NFATC1: variants seen among roughly 807,000 people sequenced by gnomAD.
NFATC1 encodes nuclear factor of activated T cells 1, also known as nuclear factor of activated T-cells, cytoplasmic 1.
NFATC1 carries 22 observed loss-of-function variants against 76.0 expected under a neutral mutation model. That is an observed-to-expected ratio of 0.29 (90% CI 0.21 to 0.41). The LOEUF is 0.41. Among genes scored for constraint, NFATC1 ranks in the 10% least tolerant of loss-of-function variants. NFATC1 has a pLI of 1.00. For missense variants in NFATC1, 1,357 were observed against 1,337.7 expected, an observed-to-expected ratio of 1.01 and a Z score of -0.23; for synonymous variants, 704 against 613.1, an observed-to-expected ratio of 1.15 and a Z score of -2.19.
At chr18:79,464,706 A>ATAT (rs1568994824) in intron 7 of NFATC1, among the ~76,000 whole-genome samples, 1 of 81,714 alleles carries the variant, frequency 1.2e-5, no homozygotes, top group African/African-American at 5.8e-5. Flanking sequence ...TTATTTATTT[A>ATAT]TTTATTTTTT....
intron 8 of NFATC1, among the ~76,000 whole-genome samples, chr18:79,481,747 G>C (rs2089278519): frequency 1.3e-5 from 2 of 152,382 alleles, no homozygotes; most frequent in Middle Eastern, 3.4e-3. Flanking sequence ...TGTGACGACT[G>C]AATGTGACGT....
intron 9 of NFATC1, among the ~76,000 whole-genome samples, chr18:79,513,025 G>A (rs919025248): frequency 1.3e-5 from 2 of 152,240 alleles, no homozygotes; most frequent in Admixed American, 1.3e-4. Flanking sequence ...CGCTAGAGAC[G>A]CAGGGAGTTG....
intron 2 of NFATC1, among the ~76,000 whole-genome samples, chr18:79,431,945 C>T (rs2086604111): frequency 6.6e-6 from 1 of 152,236 alleles, no homozygotes. Context: ...TTGTGATCCA[C>T]CCGCCTCGGC....
At chr18:79,425,563 G>A (rs1413617671) in intron 2 of NFATC1, among the ~76,000 whole-genome samples, 4 of 152,238 alleles carry the variant, frequency 2.6e-5, no homozygotes, top group Non-Finnish European at 5.9e-5. Context: ...CGGAAAATCA[G>A]AATTAAAGGA....
chr18:79,430,167 G>A (rs180862996), intron 2 of NFATC1, among the ~76,000 whole-genome samples: 1 of 152,346 alleles, frequency 6.6e-6, no homozygotes, highest in East Asian at 1.9e-4. Context: ...ACGTGGCTGC[G>A]TTTACACAAA....
At chr18:79,456,424 G>C (rs2087728592) in intron 6 of NFATC1, among the ~76,000 whole-genome samples, 1 of 152,224 alleles carries the variant, frequency 6.6e-6, no homozygotes, top group African/African-American at 2.4e-5. Flanking sequence ...CAAGGCCAGG[G>C]GGAGGTTCAC....
Position 79,486,631 on chromosome 18 carries a change from G to T in NFATC1, c.2476G>T (p.Val826Leu), listed in dbSNP as rs745784626. The change falls in exon 9 of 10, where the codon GTG (valine) becomes TTG (leucine). Residue 826 changes from valine (V) to leucine (L), a missense_variant. Around this residue, in one of 3 missense-constraint regions of NFATC1, gnomAD observed 424 missense variants for 395.4 expected, o/e 1.07. Coordinates refer to ENST00000427363, the MANE Select transcript of NFATC1 (RefSeq NM_001278669.2). Reference sequence around the variant, plus strand: ...ACCCCCGGCCCTGCTGCCACAGCAGGTGAGTGCGCCTCCAAGCAGTAGCTG... The same window carrying T: ...ACCCCCGGCCCTGCTGCCACAGCAGTTGAGTGCGCCTCCAAGCAGTAGCTG... ...QPPPALLPQQVSAPPSSSCPP... is the reference protein window; with the variant it reads ...QPPPALLPQQLSAPPSSSCPP... 1.2e-6 allele frequency: 2 copies of T among 1,601,822 alleles called. No homozygotes were observed. The highest frequency in any genetic ancestry group is 8.5e-7 in the Non-Finnish European group (1 of 1,177,500).
At chr18:79,475,275 C>T (rs667975) in intron 8 of NFATC1, among the ~76,000 whole-genome samples, 21 of 148,954 alleles carry the variant, frequency 1.4e-4, no homozygotes, top group East Asian at 2.0e-4. Context: ...CTGAGGGAAG[C>T]GTGTTCTCAC....
At chr18:79,468,767 G>C (rs1353494403) in intron 8 of NFATC1, 1 of 152,316 alleles carries the variant, frequency 6.6e-6, no homozygotes, top group Non-Finnish European at 1.5e-5. Flanking sequence ...CTGTAAAGTC[G>C]CTGTACCCTA....
intron 9 of NFATC1, among the ~76,000 whole-genome samples, chr18:79,515,500 C>T (rs2090358697): frequency 6.6e-6 from 1 of 152,010 alleles, no homozygotes; most frequent in South Asian, 2.1e-4. Context: ...GCTCGGCTCA[C>T]ACCCCTGCAG....
rs1006687259 is a variant in NFATC1, at chr18:79,402,458, G to A, written c.127+6107G>A. ...CTCCTTGAGCAGAATGAGTGAAGCC[G>A]TGAACCTCACCCTCGCAGGCACCCT... On this transcript the variant is annotated intron_variant, in intron 1 of 9. Coordinates refer to ENST00000427363, the MANE Select transcript of NFATC1 (RefSeq NM_001278669.2). 2.9e-5 allele frequency: 27 copies of A among 940,044 alleles called. No homozygotes were observed. In the East Asian group the frequency reaches 1.3e-3, roughly 45 times the overall value. The allele number at this position is 940,044 out of a possible 1,614,324, so 58.2% of individuals were successfully genotyped here.
intron 8 of NFATC1, among the ~76,000 whole-genome samples, chr18:79,471,521 C>T (rs1292767574): frequency 6.6e-6 from 1 of 152,194 alleles, no homozygotes; most frequent in Admixed American, 6.5e-5. Flanking sequence ...TAGTCGGTTA[C>T]CTGGAAACGC....
At chr18:79,400,001 C>T (rs936370423) in intron 1 of NFATC1, among the ~76,000 whole-genome samples, 1 of 152,074 alleles carries the variant, frequency 6.6e-6, no homozygotes, top group African/African-American at 2.4e-5. Flanking sequence ...AATTCCGTCG[C>T]CCTGGGCGCA....
At position 79,486,832 on chromosome 18, in the gene NFATC1, C is replaced by A; in HGVS notation, c.2677C>A (p.Arg893=). The change falls in exon 9 of 10, where the codon CGG becomes AGG. Residue 893 remains arginine (R), a synonymous_variant. Coordinates refer to ENST00000427363, the MANE Select transcript of NFATC1 (RefSeq NM_001278669.2). ...RRDESPTAGP[R]LLPEVHEDGS... is the part of the protein sequence containing the mutation. ...GGACGAGTCTCCGACTGCCGGGCCA[C>A]GGCTGCTGCCAGAGGTGCATGAGGA... 1 of 1,611,860 alleles carries A rather than the reference C, an allele frequency of 6.2e-7. No individual in the cohort carries two copies. Among genetic ancestry groups the A allele is most frequent in the Non-Finnish European group, 8.5e-7 (1 of 1,179,520 alleles).
intron 4 of NFATC1, among the ~76,000 whole-genome samples, chr18:79,450,100 T>C (rs1159484809): frequency 1.3e-5 from 2 of 152,074 alleles, no homozygotes; most frequent in Admixed American, 1.3e-4. Context: ...CCCACCATGA[T>C]GTGGGGCAGA....
At chr18:79,435,352 G>GTTT (rs768119556) in intron 3 of NFATC1, among the ~76,000 whole-genome samples, 3 of 111,398 alleles carry the variant, frequency 2.7e-5, no homozygotes, top group Admixed American at 1.8e-4. Context: ...TGGTTTGTTT[G>GTTT]TTTTTTTTTT....
chr18:79,450,991 G>A lies in NFATC1; in HGVS notation c.1627G>A (p.Asp543Asn). 7 of 1,613,836 alleles carry A rather than the reference G, an allele frequency of 4.3e-6. No homozygotes were observed. Among genetic ancestry groups the A allele is most frequent in the South Asian group, 1.1e-5 (1 of 91,074 alleles). Residue 543 changes from aspartate (D) to asparagine (N), a missense_variant, in exon 5 of 10, where the codon GAC (aspartate) becomes AAC (asparagine). By Grantham distance (23) the Asp-to-Asn change is conservative (BLOSUM62 1). Around this residue, in one of 3 missense-constraint regions of NFATC1, gnomAD observed 242 missense variants for 329.2 expected, o/e 0.74. Transcript: ENST00000427363. ...CAGILKLRNS[D>N]IELRKGETDI... is the part of the protein sequence containing the mutation. Reference sequence around the variant, plus strand: ...CGGAATCCTGAAACTCAGAAACTCCGACATTGAACTTCGGAAAGGAGAGAC... The same window carrying A: ...CGGAATCCTGAAACTCAGAAACTCCAACATTGAACTTCGGAAAGGAGAGAC...
intron 8 of NFATC1, among the ~76,000 whole-genome samples, chr18:79,475,577 T>C (rs937729782): frequency 4.7e-5 from 7 of 148,916 alleles, no homozygotes; most frequent in Admixed American, 4.7e-4. Context: ...ACTGTCGACG[T>C]TGCGAGGGAA....
chr18:79,494,264 C>T, intron 9 of NFATC1, among the ~76,000 whole-genome samples: 1 of 148,422 alleles, frequency 6.7e-6, no homozygotes, highest in African/African-American at 2.5e-5. Flanking sequence ...CACACGCCCC[C>T]CATGAACCTG....
Sources: gnomAD v4.1 joint callset for allele counts (sites outside exome capture counted in the v4.1 genomes callset) on GRCh38, gnomAD v4.1.1 for gene constraint, gnomAD v4.1.1 regional missense constraint, MANE v1.5 for transcripts, NCBI Gene and HGNC (gene_info 2026-07-23, HGNC 2026-07-21) for gene names.